The following RGSL1 variants were observed in gnomAD, a reference collection of about 807,000 sequenced individuals.
The protein encoded by RGSL1 is regulator of G protein signaling protein-like.
Under a neutral mutation model 124.7 loss-of-function variants are expected in RGSL1, and 97 were observed. The observed-to-expected ratio is 0.78, with a 90% CI of 0.66 to 0.92. RGSL1 has a LOEUF of 0.92. Among genes scored for constraint, RGSL1 ranks in the 40% least tolerant of loss-of-function variants. RGSL1 has a pLI of 0.00. For missense variants in RGSL1, 1,233 were observed against 1,288.4 expected, an observed-to-expected ratio of 0.96 and a Z score of 0.66; for synonymous variants, 424 against 438.1, an observed-to-expected ratio of 0.97 and a Z score of 0.40.
intron 14 of RGSL1, among the ~76,000 whole-genome samples, chr1:182,533,203 T>TA (rs548789485): frequency 1.6e-3 from 247 of 152,124 alleles, no homozygotes; most frequent in Non-Finnish European, 2.9e-3. Flanking sequence ...TTAATGCTTG[T>TA]AAACCTACCT....
At chr1:182,449,217 A>G (rs1300042440), upstream of RGSL1, 1 of 152,234 alleles carries the variant, frequency 6.6e-6, no homozygotes, top group East Asian at 1.9e-4. Flanking sequence ...ATGTAAAGCA[A>G]GAATCTCTTC....
chr1:182,451,434 A>G (rs1432628641), intron 1 of RGSL1, among the ~76,000 whole-genome samples: 1 of 152,214 alleles, frequency 6.6e-6, no homozygotes, highest in East Asian at 1.9e-4. Flanking sequence ...CACCAAGATT[A>G]TATGTAAACC....
chr1:182,452,657 T>C (rs138713282), intron 1 of RGSL1, among the ~76,000 whole-genome samples: 1 of 152,170 alleles, frequency 6.6e-6, no homozygotes, highest in East Asian at 1.9e-4. Context: ...TTCATCATGT[T>C]GGTCAGCCTG....
chr1:182,555,556 T>C lies in RGSL1; in HGVS notation c.3198-468T>C, dbSNP rs61087247. 3,371 of 161,612 alleles carry C rather than the reference T, an allele frequency of 0.021. 329 individuals carry two copies. In the East Asian group the frequency reaches 0.32, roughly 15 times the overall value. The allele number at this position is 161,612 out of a possible 1,614,324, so 10.0% of individuals were successfully genotyped here. On this transcript the variant is annotated intron_variant, in intron 20 of 21. Coordinates refer to ENST00000294854, the MANE Select transcript of RGSL1 (RefSeq NM_001137669.2). The stretch of plus-strand genomic sequence containing the variant: ...ACTCACTTCTGCACAAGCTTCCAAG[T>C]GAAACTGATGCTAAGTTAGGGCTCT...
At chr1:182,488,954 A>T (rs1655318707) in intron 7 of RGSL1, 26 bp from the exon 8 acceptor site, 1 of 1,534,796 alleles carries the variant, frequency 6.5e-7, no homozygotes, top group Non-Finnish European at 8.8e-7. Flanking sequence ...AACAAATGCC[A>T]TCTTCCCCTC....
intron 10 of RGSL1, among the ~76,000 whole-genome samples, chr1:182,527,235 G>A (rs1460951830): frequency 6.6e-6 from 1 of 152,112 alleles, no homozygotes; most frequent in African/African-American, 2.4e-5. Flanking sequence ...ATCAAAAACT[G>A]CTAATCATGC....
At chr1:182,514,044 C>A (rs1449248297) in intron 9 of RGSL1, among the ~76,000 whole-genome samples, 1 of 151,368 alleles carries the variant, frequency 6.6e-6, no homozygotes, top group Non-Finnish European at 1.5e-5. Context: ...CAGGCACCTG[C>A]CATCATGCCT....
At chr1:182,520,186 C>G (rs1294906654) in intron 9 of RGSL1, among the ~76,000 whole-genome samples, 2 of 152,158 alleles carry the variant, frequency 1.3e-5, no homozygotes, top group Non-Finnish European at 2.9e-5. Context: ...ATACACTAAA[C>G]TAGTAGCATC....
At chr1:182,504,051 G>C (rs1364209997) in intron 9 of RGSL1, among the ~76,000 whole-genome samples, 1 of 146,016 alleles carries the variant, frequency 6.8e-6, no homozygotes, top group Non-Finnish European at 1.5e-5. Flanking sequence ...TGGAATCTTG[G>C]CTCACTGCAA....
At chr1:182,453,814 T>C in intron 1 of RGSL1, 144 bp from the exon 2 acceptor site, 1 of 597,030 alleles carries the variant, frequency 1.7e-6, no homozygotes, top group Non-Finnish European at 3.0e-6. Flanking sequence ...GAGAAGGACA[T>C]GCAAATTGAA....
rs535078962 is a variant in RGSL1, at chr1:182,483,048, T to C, written c.1432-5237T>C. 3.9e-5 allele frequency among the ~76,000 whole-genome samples: 6 copies of C among 152,338 alleles called. No homozygotes were observed. The South Asian group carries it at 6.2e-4, about 16-fold the overall frequency. ...GACAAATACTGCATAATCTCACTTATGTATTGAATCTAAATCAGATAAACT... is the reference window on the plus strand; with the variant it reads ...GACAAATACTGCATAATCTCACTTACGTATTGAATCTAAATCAGATAAACT... On this transcript the variant is annotated intron_variant, in intron 6 of 21. Transcript: ENST00000294854.
intron 9 of RGSL1, among the ~76,000 whole-genome samples, chr1:182,500,327 T>C (rs1171275483): frequency 6.6e-6 from 1 of 152,206 alleles, no homozygotes; most frequent in East Asian, 1.9e-4. Flanking sequence ...TGACTGTACA[T>C]GTATGTTTTT....
chr1:182,449,760 C>A (rs1467736673), upstream of RGSL1, among the ~76,000 whole-genome samples: 2 of 152,088 alleles, frequency 1.3e-5, no homozygotes, highest in Non-Finnish European at 2.9e-5. Flanking sequence ...TTTAAATGGG[C>A]AGAATATCCA....
chr1:182,527,833 G>A lies in RGSL1; in HGVS notation c.2125+61G>A. 3 of 1,394,816 alleles carry A rather than the reference G, an allele frequency of 2.2e-6. No individual in the cohort carries two copies. The Admixed American group carries it at 6.8e-5, about 31-fold the overall frequency. The allele number at this position is 1,394,816 out of a possible 1,614,324, so 86.4% of individuals were successfully genotyped here. ...CTTTAGTGTCTTAGGAGAATAGCCT[G>A]GGAAATAGCCTACCTCATGTGAGCC... On this transcript the variant is annotated intron_variant, in intron 11 of 21. Coordinates refer to ENST00000294854, the MANE Select transcript of RGSL1 (RefSeq NM_001137669.2).
chr1:182,510,195 C>G (rs1657302220), intron 9 of RGSL1, among the ~76,000 whole-genome samples: 1 of 23,112 alleles, frequency 4.3e-5, no homozygotes, highest in Non-Finnish European at 9.3e-5. Context: ...ACTTTCCAGA[C>G]TGGGCAGCCA....
chr1:182,509,616 T>G (rs1413310641), intron 9 of RGSL1, among the ~76,000 whole-genome samples: 1 of 103,374 alleles, frequency 9.7e-6, no homozygotes, highest in African/African-American at 4.1e-5. Flanking sequence ...TAGGGGCGGC[T>G]GGGCAGAGGC....
At chr1:182,498,581 T>G (rs1022153552) in intron 9 of RGSL1, among the ~76,000 whole-genome samples, 3 of 152,204 alleles carry the variant, frequency 2.0e-5, no homozygotes, top group Non-Finnish European at 2.9e-5. Context: ...ATTTTATTGT[T>G]TACTCAGAAG....
intron 4 of RGSL1, among the ~76,000 whole-genome samples, chr1:182,464,137 ATACT>A (rs1653077121): frequency 2.6e-5 from 4 of 152,234 alleles, no homozygotes; most frequent in South Asian, 2.1e-4. Context: ...AAATTAGAAA[ATACT>A]TACAGATAAA....
chr1:182,541,303 A>T (rs1659878316), intron 15 of RGSL1, among the ~76,000 whole-genome samples: 1 of 152,128 alleles, frequency 6.6e-6, no homozygotes, highest in Non-Finnish European at 1.5e-5. Flanking sequence ...TAGCTCCCAC[A>T]TATGAGTGAA....
Sources: gnomAD v4.1 joint callset for allele counts (sites outside exome capture counted in the v4.1 genomes callset) on GRCh38, gnomAD v4.1.1 for gene constraint, MANE v1.5 for transcripts, NCBI Gene and HGNC (gene_info 2026-07-23, HGNC 2026-07-21) for gene names.